SEMA5B: variants seen among roughly 807,000 people sequenced by gnomAD.
SEMA5B encodes semaphorin 5B.
In SEMA5B, 66 loss-of-function variants were observed where a neutral mutation model predicts 135.0. The observed-to-expected ratio is 0.49, with a 90% CI of 0.40 to 0.60. SEMA5B has a LOEUF of 0.60. Ranked by LOEUF, SEMA5B falls within the 20% of genes least tolerant of loss-of-function variation. The probability of loss-of-function intolerance (pLI) is 0.00; values close to 1 mark genes in which losing one functional copy is unlikely to be tolerated. For synonymous variants in SEMA5B, 690 were observed against 639.5 expected (o/e 1.08, Z -1.19); for missense variants, 1,501 against 1,566.3 (o/e 0.96, Z 0.70).
rs767004171 is a variant in SEMA5B at position 122,915,894 on chromosome 3, C to T, written c.1689-4G>A. The T allele has an allele frequency of 1.9e-6, 3 of 1,612,716 alleles. No homozygotes were observed. The African/African-American group carries it at 4.0e-5, about 22-fold the overall frequency. ...GTCCCGGGCCCCCAGGCATGCCCTG[C>T]CAGACAGACGTCCTGAGATTCAAGC... On this transcript the variant is annotated splice_region_variant and splice_polypyrimidine_tract_variant and intron_variant, in intron 12 of 22. Coordinates refer to ENST00000357599, the MANE Select transcript of SEMA5B (RefSeq NM_001031702.4).
At chr3:122,946,614 A>T (rs1008864500) in intron 3 of SEMA5B, among the ~76,000 whole-genome samples, 4 of 152,184 alleles carry the variant, frequency 2.6e-5, no homozygotes, top group African/African-American at 9.7e-5. Context: ...CAAGAGAACC[A>T]GTCCTGGTCC....
rs1351105474 is a variant in SEMA5B at position 122,910,222 on chromosome 3, G to C, written c.3377C>G (p.Thr1126Ser). The C allele has an allele frequency of 6.2e-7, 1 of 1,614,242 alleles. No individual in the cohort carries two copies. The highest frequency in any genetic ancestry group is 8.5e-7 in the Non-Finnish European group (1 of 1,180,040). ...PLQQTNVYTT[T>S]YYPSPLNKHS... Reference sequence around the variant, plus strand: ...TTTGTTCAGGGGGCTTGGGTAGTAAGTAGTCGTGTACACATTGGTCTGCTG... The same window carrying C: ...TTTGTTCAGGGGGCTTGGGTAGTAACTAGTCGTGTACACATTGGTCTGCTG... Residue 1126 changes from threonine to serine, a missense_variant, in exon 23 of 23, where the codon ACT (threonine) becomes AGT (serine). Thr to Ser is a moderately conservative substitution (Grantham distance 58). Coordinates refer to ENST00000357599, the MANE Select transcript of SEMA5B (RefSeq NM_001031702.4).
intron 6 of SEMA5B, 131 bp downstream of exon 6, chr3:122,928,865 A>G: frequency 1.1e-6 from 1 of 910,188 alleles, no homozygotes; most frequent in Non-Finnish European, 1.7e-6. Context: ...CACCTGCCCA[A>G]GGAGCCCCAG....
intron 4 of SEMA5B, 115 bp from the exon 5 acceptor site, chr3:122,939,585 G>A (rs1358287010): frequency 7.2e-5 from 55 of 762,544 alleles, no homozygotes; most frequent in Non-Finnish European, 2.1e-5. Flanking sequence ...GATTGCCTAG[G>A]GTCAACCCCT....
intron 1 of SEMA5B, among the ~76,000 whole-genome samples, chr3:123,019,744 T>C (rs1428766106): frequency 6.6e-6 from 1 of 152,134 alleles, no homozygotes; most frequent in East Asian, 1.9e-4. Flanking sequence ...CATTGAGTGT[T>C]ATGGTTCAGG....
intron 8 of SEMA5B, among the ~76,000 whole-genome samples, chr3:122,926,964 A>G (rs1232166337): frequency 1.3e-5 from 2 of 152,248 alleles, no homozygotes; most frequent in East Asian, 1.9e-4. Context: ...GGTAAATCCT[A>G]TGATTATCCC....
At chr3:122,997,391 C>T (rs1942046676) in intron 1 of SEMA5B, among the ~76,000 whole-genome samples, 1 of 152,058 alleles carries the variant, frequency 6.6e-6, no homozygotes, top group Non-Finnish European at 1.5e-5. Flanking sequence ...CCCTCCTCTG[C>T]CCCTCTCCAG....
intron 2 of SEMA5B, among the ~76,000 whole-genome samples, chr3:122,954,874 C>T (rs1940213538): frequency 6.6e-6 from 1 of 150,600 alleles, no homozygotes; most frequent in Non-Finnish European, 1.5e-5. Flanking sequence ...GCCACTGCAG[C>T]CTCAACCTCC....
intron 14 of SEMA5B, among the ~76,000 whole-genome samples, chr3:122,914,278 G>C (rs772884419): frequency 6.6e-6 from 1 of 152,168 alleles, no homozygotes; most frequent in Non-Finnish European, 1.5e-5. Flanking sequence ...TCTCACAAGG[G>C]CCAAAAGGGC....
chr3:122,965,833 C>T (rs55699789), intron 1 of SEMA5B, among the ~76,000 whole-genome samples: 23,298 of 152,140 alleles, frequency 0.15, 2,104 homozygotes, highest in African/African-American at 0.24. Flanking sequence ...TCTGGATGGC[C>T]CAGGACCCAG....
At chr3:122,939,603 G>C (rs1399344930) in intron 4 of SEMA5B, 133 bp from the exon 5 acceptor site, 4 of 666,656 alleles carry the variant, frequency 6.0e-6, no homozygotes, top group Non-Finnish European at 8.1e-6. Context: ...CCTAAGGAGA[G>C]CTTTACCTCC....
At chr3:123,013,972 T>G (rs551904634) in intron 1 of SEMA5B, among the ~76,000 whole-genome samples, 2 of 152,162 alleles carry the variant, frequency 1.3e-5, no homozygotes, top group African/African-American at 4.8e-5. Flanking sequence ...GAGAGGAGCT[T>G]TGGGCACAGG....
intron 5 of SEMA5B, among the ~76,000 whole-genome samples, chr3:122,937,420 A>G (rs1197861322): frequency 2.0e-5 from 3 of 152,062 alleles, no homozygotes; most frequent in African/African-American, 7.2e-5. Context: ...GCACACCCCA[A>G]CCTCTTGCTT....
intron 1 of SEMA5B, among the ~76,000 whole-genome samples, chr3:123,002,750 T>C (rs1181763340): frequency 1.3e-5 from 2 of 152,268 alleles, no homozygotes; most frequent in African/African-American, 4.8e-5. Context: ...AGGGATTCCT[T>C]TTTGAGCACA....
chr3:122,952,917 G>C (rs1406032342), intron 2 of SEMA5B, among the ~76,000 whole-genome samples: 1 of 152,138 alleles, frequency 6.6e-6, no homozygotes, highest in Non-Finnish European at 1.5e-5. Context: ...TCAGAACTAG[G>C]GGTGGTGCCG....
At chr3:122,999,704 G>A (rs1942124302) in intron 1 of SEMA5B, among the ~76,000 whole-genome samples, 1 of 152,156 alleles carries the variant, frequency 6.6e-6, no homozygotes, top group Admixed American at 6.5e-5. Flanking sequence ...GACCAATGGA[G>A]CGGGAGGCTG....
intron 1 of SEMA5B, among the ~76,000 whole-genome samples, chr3:123,025,587 G>T (rs1351332039): frequency 6.6e-6 from 1 of 152,204 alleles, no homozygotes; most frequent in African/African-American, 2.4e-5. Context: ...CTTGGAAAAA[G>T]AAAAGGGATG....
intron 1 of SEMA5B, among the ~76,000 whole-genome samples, chr3:123,010,530 G>T (rs1434184053): frequency 6.6e-6 from 1 of 152,160 alleles, no homozygotes; most frequent in Non-Finnish European, 1.5e-5. Flanking sequence ...AATGGTGTCG[G>T]CTGGACGCAG....
intron 4 of SEMA5B, among the ~76,000 whole-genome samples, chr3:122,941,891 T>C (rs1939580253): frequency 6.6e-6 from 1 of 152,240 alleles, no homozygotes; most frequent in Non-Finnish European, 1.5e-5. Flanking sequence ...CAACTGTGTG[T>C]AAATCGACAG....
Sources: gnomAD v4.1 joint callset for allele counts (sites outside exome capture counted in the v4.1 genomes callset) on GRCh38, gnomAD v4.1.1 for gene constraint, MANE v1.5 for transcripts, NCBI Gene and HGNC (gene_info 2026-07-23, HGNC 2026-07-21) for gene names.